The following SMAD3 variants were observed in gnomAD, a reference collection of about 807,000 sequenced individuals.
SMAD3 encodes SMAD family member 3.
A neutral mutation model predicts 51.8 loss-of-function variants in SMAD3; 12 were observed. The observed-to-expected ratio is 0.23, with a 90% CI of 0.15 to 0.38. The LOEUF is 0.38. SMAD3 is among the 10% of genes least tolerant of loss of function. SMAD3 has a pLI of 1.00. For synonymous variants in SMAD3, 238 were observed against 227.7 expected (o/e 1.05, Z -0.41); for missense variants, 294 against 565.6 (o/e 0.52, Z 4.87).
intron 1 of SMAD3, among the ~76,000 whole-genome samples, chr15:67,102,003 A>G (rs1960768288): frequency 6.6e-6 from 1 of 152,220 alleles, no homozygotes; most frequent in Admixed American, 6.5e-5. Flanking sequence ...AGCTGTGGGA[A>G]GCAGGGCTTG....
chr15:67,176,904 C>T (rs1278055985), intron 5 of SMAD3, among the ~76,000 whole-genome samples: 1 of 152,188 alleles, frequency 6.6e-6, no homozygotes, highest in Non-Finnish European at 1.5e-5. Context: ...GAAGGGAAGG[C>T]CGTGGGCACG....
intron 1 of SMAD3, among the ~76,000 whole-genome samples, chr15:67,069,559 G>A (rs55793740): frequency 1.6e-4 from 24 of 152,104 alleles, no homozygotes; most frequent in Non-Finnish European, 3.1e-4. Flanking sequence ...CCTTGGCCTC[G>A]TTGTTGGGAG....
At chr15:67,108,234 A>C (rs1247380630) in intron 1 of SMAD3, among the ~76,000 whole-genome samples, 2 of 152,110 alleles carry the variant, frequency 1.3e-5, no homozygotes, top group African/African-American at 4.8e-5. Context: ...GGCAGGGATT[A>C]CGCATTTGTG....
chr15:67,166,533 A>G (rs1962594405), intron 3 of SMAD3: 3 of 590,136 alleles, frequency 5.1e-6, no homozygotes, highest in African/African-American at 1.9e-5. Context: ...CTAGGAGTAC[A>G]CATTTCAGAC....
intron 1 of SMAD3, among the ~76,000 whole-genome samples, chr15:67,114,849 TC>T (rs1027488864): frequency 6.6e-6 from 1 of 151,992 alleles, no homozygotes; most frequent in Admixed American, 6.6e-5. Flanking sequence ...AACAAACAGT[TC>T]CCCCTTCCCC....
intron 1 of SMAD3, among the ~76,000 whole-genome samples, chr15:67,154,816 T>A (rs553313744): frequency 7.6e-4 from 115 of 151,800 alleles, no homozygotes; most frequent in Middle Eastern, 3.4e-3. Context: ...TCCCTTTTTT[T>A]AAAAAAAAAT....
intron 1 of SMAD3, among the ~76,000 whole-genome samples, chr15:67,149,201 G>A (rs145018299): frequency 1.3e-5 from 2 of 152,326 alleles, no homozygotes; most frequent in East Asian, 1.9e-4. Context: ...GTGGCCAAGA[G>A]TGCAGGAGCC....
intron 1 of SMAD3, among the ~76,000 whole-genome samples, chr15:67,135,851 T>G (rs1191786622): frequency 6.6e-6 from 1 of 152,232 alleles, no homozygotes; most frequent in African/African-American, 2.4e-5. Context: ...TTAATAAACG[T>G]TAATATTTTC....
At chr15:67,103,511 C>T (rs2140226810) in intron 1 of SMAD3, among the ~76,000 whole-genome samples, 1 of 152,284 alleles carries the variant, frequency 6.6e-6, no homozygotes, top group East Asian at 1.9e-4. Context: ...TGGGTCTGGC[C>T]CAGGGCTTCT....
rs551006740 is a variant in SMAD3 at position 67,113,985 on chromosome 15, G to A, written c.206+47625G>A. 1.5e-3 allele frequency among the ~76,000 whole-genome samples: 225 copies of A among 152,340 alleles called. 1 individual carries two copies. The highest frequency in any genetic ancestry group is 5.3e-3 in the African/African-American group (220 of 41,574). On this transcript the variant is annotated intron_variant, in intron 1 of 8. Transcript: ENST00000327367. The stretch of plus-strand genomic sequence containing the variant: ...CATTTCTGCCACCAGGTTGAGGTTA[G>A]TTGGGACCAATTTGGCGGTGGAGAA...
chr15:67,182,956 C>T (rs1963099244), intron 6 of SMAD3, among the ~76,000 whole-genome samples: 1 of 133,182 alleles, frequency 7.5e-6, no homozygotes, highest in Non-Finnish European at 1.5e-5. Flanking sequence ...AGGCATATAC[C>T]ACTGCAACTG....
chr15:67,148,602 A>G (rs1566984885), intron 1 of SMAD3, among the ~76,000 whole-genome samples: 5 of 152,116 alleles, frequency 3.3e-5, no homozygotes, highest in African/African-American at 1.2e-4. Flanking sequence ...TGTGGCTGTC[A>G]TTCCCCTGCT....
At position 67,184,992 on chromosome 15, in the gene SMAD3, T is replaced by C. The variant is rs1432990514; in HGVS notation, c.1009+128T>C. The C allele has an allele frequency of 1.5e-5, 18 of 1,232,840 alleles. No homozygotes were observed. The Admixed American group carries it at 3.1e-4, about 21-fold the overall frequency. The allele number at this position is 1,232,840 out of a possible 1,614,324, so 76.4% of individuals were successfully genotyped here. ...GATTGCGTTGTCAATCTGGAGGTGA[T>C]TGGATTAGGTTTTCTCTATGCCCAC... is the stretch of plus-strand genomic sequence containing the variant. On this transcript the variant is annotated intron_variant, in intron 7 of 8. Transcript: ENST00000327367.
rs747102986 is a variant in SMAD3 at position 67,184,712 on chromosome 15, C to A, written c.872-15C>A. ...AGCAAAGGCACCCTGTCCAGTCTAA[C>A]CTGAATCTCTGTAGGAAGAGGCGTG... On this transcript the variant is annotated splice_polypyrimidine_tract_variant and intron_variant, in intron 6 of 8. Transcript: ENST00000327367. 1 of 1,613,922 alleles carries A rather than the reference C, an allele frequency of 6.2e-7. No homozygotes were observed. Among genetic ancestry groups the A allele is most frequent in the South Asian group, 1.1e-5 (1 of 91,074 alleles).
intron 3 of SMAD3, 164 bp from the exon 4 acceptor site, chr15:67,166,615 C>A (rs1053332021): frequency 7.3e-6 from 5 of 685,178 alleles, no homozygotes; most frequent in Admixed American, 2.1e-5. Context: ...TGGACAGGGG[C>A]GAGGACAACA....
intron 1 of SMAD3, among the ~76,000 whole-genome samples, chr15:67,084,592 G>A (rs1960349753): frequency 6.6e-6 from 1 of 152,102 alleles, no homozygotes; most frequent in Non-Finnish European, 1.5e-5. Flanking sequence ...TGTTGGTGGT[G>A]GTGCCATCAG....
chr15:67,124,438 T>G (rs570452039), intron 1 of SMAD3, among the ~76,000 whole-genome samples: 1 of 91,764 alleles, frequency 1.1e-5, no homozygotes, highest in African/African-American at 4.0e-5. Flanking sequence ...GCTGGAGGAT[T>G]GTCAGTCTTT....
chr15:67,079,603 CTGAG>C (rs1381315665), intron 1 of SMAD3, among the ~76,000 whole-genome samples: 1 of 152,158 alleles, frequency 6.6e-6, no homozygotes, highest in African/African-American at 2.4e-5. Flanking sequence ...GTTGCATGGA[CTGAG>C]TGTCAACTGC....
chr15:67,142,197 A>ACTCC (rs1230384756), intron 1 of SMAD3, among the ~76,000 whole-genome samples: 3 of 114,162 alleles, frequency 2.6e-5, no homozygotes, highest in Admixed American at 1.0e-4. Flanking sequence ...TCTCCTCCCC[A>ACTCC]CACCCCCCCC....
Sources: gnomAD v4.1 joint callset for allele counts (sites outside exome capture counted in the v4.1 genomes callset) on GRCh38, gnomAD v4.1.1 for gene constraint, MANE v1.5 for transcripts, NCBI Gene and HGNC (gene_info 2026-07-23, HGNC 2026-07-21) for gene names.